ACSL6: variants seen among roughly 807,000 people sequenced by gnomAD.
ACSL6 encodes the protein long-chain-fatty-acid--CoA ligase 6.
A neutral mutation model predicts 98.2 loss-of-function variants in ACSL6; 47 were observed. The ratio of observed to expected loss-of-function variants is 0.48; its 90% CI spans 0.38 to 0.61. The LOEUF is 0.61. Ranked by LOEUF, ACSL6 falls within the 20% of genes least tolerant of loss-of-function variation. ACSL6 has a pLI of 0.00. For synonymous variants in ACSL6, 362 were observed against 336.9 expected (o/e 1.07, Z -0.82); for missense variants, 761 against 913.4 (o/e 0.83, Z 2.15).
Position 131,965,323 on chromosome 5 carries a change from TC to T in ACSL6, c.1713+1092del, listed in dbSNP as rs560959112. On this transcript the variant is annotated intron_variant, in intron 17 of 20. Transcript: ENST00000651883. ...TGGTCAAAGCATTCATCTAAGCATC[TC>T]CTATGTGCCCGGTACTGTGCTAAGT... Among the ~76,000 whole-genome samples, 30 of 152,298 alleles carry T rather than the reference TC, an allele frequency of 2.0e-4. No homozygotes were observed. The South Asian group carries it at 6.2e-3, about 32-fold the overall frequency.
chr5:132,003,832 G>A (rs575897554), intron 1 of ACSL6: 10 of 152,386 alleles, frequency 6.6e-5, no homozygotes, highest in African/African-American at 2.2e-4. Context: ...GGGGATGGAG[G>A]TGGGATCCAG....
rs776482283 is a variant in ACSL6, at chr5:131,951,561, A to C, written c.*2673T>G. 1 of 190,116 alleles carries C rather than the reference A, an allele frequency of 5.3e-6. No individual in the cohort carries two copies. The highest frequency in any genetic ancestry group is 1.1e-5 in the Non-Finnish European group (1 of 91,038). The allele number at this position is 190,116 out of a possible 1,614,324, so 11.8% of individuals were successfully genotyped here. On this transcript the variant is annotated 3_prime_UTR_variant, in exon 21 of 21. Transcript: ENST00000651883. ...AAATATAAGATATTTTAAGTGGCAA[A>C]AAGAAGAAACCTTGTTTTTGTTTTT...
At position 131,959,543 on chromosome 5, in the gene ACSL6, A is replaced by G. The variant is rs748749458; in HGVS notation, c.2024T>C (p.Phe675Ser). 3.7e-6 allele frequency: 6 copies of G among 1,614,212 alleles called. No homozygotes were observed. The highest frequency in any genetic ancestry group is 5.1e-6 in the Non-Finnish European group (6 of 1,180,030). Residue 675 changes from phenylalanine (F) to serine (S), a missense_variant, in exon 20 of 21, where the codon TTT (phenylalanine) becomes TCT (serine). Physicochemically the swap from Phe to Ser is radical, Grantham distance 155 (BLOSUM62 -2). Coordinates refer to ENST00000651883, the MANE Select transcript of ACSL6 (RefSeq NM_001009185.3). Reference protein sequence around the residue: ...RLGKESGLHSFEQVKAIHIHS... With the variant: ...RLGKESGLHSSEQVKAIHIHS... Reference sequence around the variant, plus strand: ...GGGGAAGGTAACAGTTACCTGCTCAAAAGAATGGAGTCCACTTTCTTTTCC... The same window carrying G: ...GGGGAAGGTAACAGTTACCTGCTCAGAAGAATGGAGTCCACTTTCTTTTCC...
At chr5:131,970,054 AG>A in intron 15 of ACSL6, 73 bp downstream of exon 15, 2 of 1,338,784 alleles carry the variant, frequency 1.5e-6, no homozygotes, top group Non-Finnish European at 2.1e-6. Flanking sequence ...ACTTTCCATG[AG>A]GGAGTTTTAG....
chr5:131,951,575 G>T lies in ACSL6; in HGVS notation c.*2659C>A. On this transcript the variant is annotated 3_prime_UTR_variant, in exon 21 of 21. Transcript: ENST00000651883. ...TTAAGTGGCAAAAAGAAGAAACCTT[G>T]TTTTTGTTTTTTTTTTTTCTTTCTT... 5.7e-6 allele frequency: 1 copy of T among 175,868 alleles called. No homozygotes were observed. The allele number at this position is 175,868 out of a possible 1,614,324, so 10.9% of individuals were successfully genotyped here.
chr5:131,978,469 G>A (rs903612488), intron 9 of ACSL6, among the ~76,000 whole-genome samples: 9 of 152,168 alleles, frequency 5.9e-5, no homozygotes, highest in Admixed American at 1.3e-4. Context: ...TTAGCAAGCT[G>A]GGGGAGAAGG....
intron 17 of ACSL6, among the ~76,000 whole-genome samples, chr5:131,962,921 T>C (rs1380433177): frequency 2.0e-5 from 3 of 152,016 alleles, no homozygotes; most frequent in African/African-American, 7.3e-5. Flanking sequence ...CCCTCAGCAG[T>C]TAGCCCCCCA....
chr5:132,011,576 G>A lies in ACSL6; in HGVS notation c.-23C>T. 6.6e-7 allele frequency: 1 copy of A among 1,515,166 alleles called. No homozygotes were observed. Among genetic ancestry groups the A allele is most frequent in the Non-Finnish European group, 8.8e-7 (1 of 1,134,046 alleles). 93.9% of individuals were successfully genotyped at this position (1,515,166 alleles called of 1,614,324 possible). A position where few individuals can be genotyped will look rare whatever the true frequency, so the allele number is the denominator to read the frequency against. On this transcript the variant is annotated 5_prime_UTR_variant, in exon 1 of 21. Coordinates refer to ENST00000651883, the MANE Select transcript of ACSL6 (RefSeq NM_001009185.3). The surrounding 1 kb of genome is among the most constrained non-coding windows in gnomAD (Gnocchi z 5.4). Reference sequence around the variant, plus strand: ...CATGGCGGTCAGCGGGGCCCGGCCCGGCCCGGCCCGGCCTCCCCGACCCGC... The same window carrying A: ...CATGGCGGTCAGCGGGGCCCGGCCCAGCCCGGCCCGGCCTCCCCGACCCGC...
intron 2 of ACSL6, among the ~76,000 whole-genome samples, chr5:131,993,007 T>G (rs1025661584): frequency 1.3e-5 from 2 of 152,152 alleles, no homozygotes; most frequent in African/African-American, 4.8e-5. Flanking sequence ...CAGCCAGGCT[T>G]CAAACCCAGG....
At chr5:131,968,229 T>C in intron 15 of ACSL6, 1 of 535,382 alleles carries the variant, frequency 1.9e-6, no homozygotes, top group Non-Finnish European at 3.3e-6. Context: ...AATCTCTGCC[T>C]GGGCATTTGT....
chr5:131,979,112 T>A (rs890891237), intron 9 of ACSL6, among the ~76,000 whole-genome samples: 2 of 152,216 alleles, frequency 1.3e-5, no homozygotes, highest in Non-Finnish European at 2.9e-5. Context: ...CTTCCTAACA[T>A]CCTTCCTCAA....
At chr5:131,975,956 T>C in intron 10 of ACSL6, 6 of 985,462 alleles carry the variant, frequency 6.1e-6, no homozygotes, top group Non-Finnish European at 7.2e-6. Flanking sequence ...TACTAAGTGT[T>C]TGGGGCACAC....
At chr5:131,955,011 G>C (rs1752324674) in intron 20 of ACSL6, among the ~76,000 whole-genome samples, 1 of 152,156 alleles carries the variant, frequency 6.6e-6, no homozygotes, top group Admixed American at 6.5e-5. Context: ...TTATGGAGGA[G>C]CTCAAATTTT....
chr5:131,962,460 T>C (rs561777744), intron 18 of ACSL6, 75 bp downstream of exon 18: 49 of 1,492,324 alleles, frequency 3.3e-5, no homozygotes, highest in South Asian at 6.7e-5. Context: ...TGGTGCCTGA[T>C]TGGAGGTTAA....
rs530434520 is a variant in ACSL6 at position 132,011,596 on chromosome 5, A to ACCCGCAGC, written c.-51_-44dup. 2.7e-3 allele frequency: 3,911 copies of ACCCGCAGC among 1,460,038 alleles called. 67 individuals are homozygous for ACCCGCAGC. In the African/African-American group the frequency reaches 0.044, roughly 16 times the overall value. 90.4% of individuals were successfully genotyped at this position (1,460,038 alleles called of 1,614,324 possible). A position where few individuals can be genotyped will look rare whatever the true frequency, so the allele number is the denominator to read the frequency against. ...GGCCCGGCCCGGCCCGGCCTCCCCG[A>ACCCGCAGC]CCCGCAGCCCCGCAGCCCCGCAGCC... On this transcript the variant is annotated 5_prime_UTR_variant, in exon 1 of 21. Coordinates refer to ENST00000651883, the MANE Select transcript of ACSL6 (RefSeq NM_001009185.3). The surrounding 1 kb of genome is among the most constrained non-coding windows in gnomAD (Gnocchi z 5.4).
intron 10 of ACSL6, chr5:131,975,206 T>G: frequency 1.5e-6 from 2 of 1,377,618 alleles, no homozygotes; most frequent in East Asian, 2.8e-5. Context: ...CAGGGCAGCA[T>G]AGGAAGCGGA....
Position 131,960,576 on chromosome 5 carries a change from A to G in ACSL6, c.1903T>C (p.Ser635Pro), listed in dbSNP as rs764558062. Residue 635 changes from serine (S) to proline (P), a missense_variant, in exon 19 of 21, where the codon TCC (serine) becomes CCC (proline). By Grantham distance (74) the Ser-to-Pro change is moderately conservative (BLOSUM62 -1). Coordinates refer to ENST00000651883, the MANE Select transcript of ACSL6 (RefSeq NM_001009185.3). ...TCAATTCCTCTCTTCTGGGCCCAGG[A>G]GGGCATAACTTCAGGGTCAGGCACA... ...IVVPDPEVMPSWAQKRGIEGT... is the reference protein window; with the variant it reads ...IVVPDPEVMPPWAQKRGIEGT... The G allele has an allele frequency of 3.1e-6, 5 of 1,614,132 alleles. No individual in the cohort carries two copies. Among genetic ancestry groups the G allele is most frequent in the Non-Finnish European group, 3.4e-6 (4 of 1,180,014 alleles).
chr5:131,989,933 C>A (rs1293239462), intron 4 of ACSL6, among the ~76,000 whole-genome samples, 167 bp downstream of exon 4: 1 of 152,238 alleles, frequency 6.6e-6, no homozygotes, highest in Non-Finnish European at 1.5e-5. Flanking sequence ...TGACTTCCAA[C>A]CCGGGTATGC....
intron 17 of ACSL6, among the ~76,000 whole-genome samples, chr5:131,965,974 G>C (rs947657715): frequency 2.0e-5 from 3 of 152,138 alleles, no homozygotes; most frequent in Non-Finnish European, 2.9e-5. Context: ...AAAGCCACAG[G>C]AACTAAGGCA....
Sources: gnomAD v4.1 joint callset for allele counts (sites outside exome capture counted in the v4.1 genomes callset) on GRCh38, gnomAD v4.1.1 for gene constraint, Gnocchi (gnomAD v3.1) non-coding constraint, MANE v1.5 for transcripts, NCBI Gene and HGNC (gene_info 2026-07-23, HGNC 2026-07-21) for gene names.